The following SORD variants were observed in gnomAD, a reference collection of about 807,000 sequenced individuals.
The protein encoded by SORD is sorbitol dehydrogenase.
A neutral mutation model predicts 35.6 loss-of-function variants in SORD; 18 were observed. The ratio of observed to expected loss-of-function variants is 0.51; its 90% CI spans 0.35 to 0.75. The LOEUF is 0.75. Among genes scored for constraint, SORD ranks in the 30% least tolerant of loss-of-function variants. The pLI is 0.01. For synonymous variants in SORD, 106 were observed against 152.9 expected (o/e 0.69, Z 2.26); for missense variants, 250 against 390.2 (o/e 0.64, Z 3.03).
chr15:45,042,523 T>TAAAG (rs1397626267), intron 2 of SORD: 1 of 145,194 alleles, frequency 6.9e-6, no homozygotes, highest in African/African-American at 2.6e-5. Context: ...AATAAATAAA[T>TAAAG]AAATAAAGGA....
At chr15:45,029,419 A>C (rs1416690475) in intron 1 of SORD, among the ~76,000 whole-genome samples, 2 of 151,920 alleles carry the variant, frequency 1.3e-5, no homozygotes. Context: ...GGGAGGGAGC[A>C]CATGAATGAG....
intron 4 of SORD, among the ~76,000 whole-genome samples, chr15:45,064,860 T>G (rs965055486): frequency 6.6e-6 from 1 of 152,316 alleles, no homozygotes; most frequent in East Asian, 1.9e-4. Flanking sequence ...GATAGCACAT[T>G]AAAGAAAACA....
intron 1 of SORD, among the ~76,000 whole-genome samples, chr15:45,024,299 G>A (rs1206324668): frequency 6.6e-6 from 1 of 152,204 alleles, no homozygotes; most frequent in East Asian, 1.9e-4. Flanking sequence ...CAGTAATTCA[G>A]AAGCTTATCC....
chr15:45,065,284 G>A lies in SORD; in HGVS notation c.439G>A (p.Val147Ile), dbSNP rs1338835191. Residue 147 changes from valine to isoleucine, a missense_variant, in exon 5 of 9, where the codon GTC becomes ATC. Coordinates refer to ENST00000267814, the MANE Select transcript of SORD (RefSeq NM_003104.6). The stretch of plus-strand genomic sequence containing the variant: ...TTGACTCCTCAGGCTTCCTGACAAT[G>A]TCACCTTTGAGGAAGGCGCCCTGAT... ...AAFCYKLPDNVTFEEGALIEP... is the reference protein window; with the variant it reads ...AAFCYKLPDNITFEEGALIEP... 1.2e-6 allele frequency: 2 copies of A among 1,613,728 alleles called. No individual in the cohort carries two copies. Among genetic ancestry groups the A allele is most frequent in the Non-Finnish European group, 8.5e-7 (1 of 1,179,800 alleles).
intron 1 of SORD, among the ~76,000 whole-genome samples, chr15:45,025,624 CA>C (rs34029087): frequency 0.067 from 4,604 of 68,230 alleles, 133 homozygotes; most frequent in African/African-American, 0.15. Context: ...AAAACTATGT[CA>C]AAAAAAAAAA....
chr15:45,029,903 C>G (rs1892746492), intron 1 of SORD, among the ~76,000 whole-genome samples: 1 of 152,232 alleles, frequency 6.6e-6, no homozygotes, highest in African/African-American at 2.4e-5. Flanking sequence ...AGTCTGGGAT[C>G]TTTATAGGCA....
In SORD at chr15:45,038,102, G is replaced by A. The variant is rs1384771326; in HGVS notation, c.67-2306G>A. Among the ~76,000 whole-genome samples, 7 of 151,926 alleles carry A rather than the reference G, an allele frequency of 4.6e-5. No homozygotes were observed. In the East Asian group the frequency reaches 1.4e-3, roughly 30 times the overall value. On this transcript the variant is annotated intron_variant, in intron 1 of 8. Coordinates refer to ENST00000267814, the MANE Select transcript of SORD (RefSeq NM_003104.6). ...ATCTTGAGGTGGCTATTTCTAGACT[G>A]ATTACTTCCTTCCCTCGCATCCTCC...
At chr15:45,041,248 G>A (rs4100657) in intron 2 of SORD, among the ~76,000 whole-genome samples, 4,731 of 152,040 alleles carry the variant, frequency 0.031, 200 homozygotes, top group African/African-American at 0.092. Context: ...CTGTTGGCTC[G>A]GGCAGATCCC....
At chr15:45,036,277 T>G (rs1892864386) in intron 1 of SORD, 1 of 454,562 alleles carries the variant, frequency 2.2e-6, no homozygotes, top group East Asian at 7.0e-5. Flanking sequence ...AAGAGAGGAG[T>G]ATATATGTGA....
intron 2 of SORD, 29 bp downstream of exon 2, chr15:45,040,470 T>G: frequency 6.5e-7 from 1 of 1,539,856 alleles, no homozygotes; most frequent in South Asian, 1.1e-5. Context: ...TGACTTATAT[T>G]TTATTATTTC....
intron 6 of SORD, among the ~76,000 whole-genome samples, chr15:45,068,539 T>C (rs1893448340): frequency 6.6e-6 from 1 of 151,766 alleles, no homozygotes; most frequent in Admixed American, 6.6e-5. Flanking sequence ...TTGGCTTCCT[T>C]GGGCCACATT....
chr15:45,057,761 C>CT (rs1595504836), intron 3 of SORD, among the ~76,000 whole-genome samples: 3 of 151,856 alleles, frequency 2.0e-5, no homozygotes, highest in East Asian at 3.9e-4. Flanking sequence ...CCAGCCTGGG[C>CT]AACAGAGTGA....
intron 1 of SORD, among the ~76,000 whole-genome samples, chr15:45,029,297 G>A (rs1892730091): frequency 6.6e-6 from 1 of 152,274 alleles, no homozygotes; most frequent in African/African-American, 2.4e-5. Flanking sequence ...CTTTGTCTGT[G>A]AAAGACCATG....
intron 3 of SORD, among the ~76,000 whole-genome samples, chr15:45,055,049 C>A (rs1021490408): frequency 6.6e-6 from 1 of 151,950 alleles, no homozygotes; most frequent in Non-Finnish European, 1.5e-5. Context: ...GTTACTGTAG[C>A]CTTGTAGTAT....
Position 45,046,729 on chromosome 15 carries a change from A to G in SORD, c.265+3308A>G, listed in dbSNP as rs1472215312. ...ATGCGCATTTACAGAATTTAAACAT[A>G]TAAGTCAGCCGGGCATAATAGCTCA... On this transcript the variant is annotated intron_variant, in intron 3 of 8. Coordinates refer to ENST00000267814, the MANE Select transcript of SORD (RefSeq NM_003104.6). Among the ~76,000 whole-genome samples, 5 of 152,206 alleles carry G rather than the reference A, an allele frequency of 3.3e-5. No individual in the cohort carries two copies. The East Asian group carries it at 7.7e-4, about 23-fold the overall frequency.
chr15:45,065,423 T>C (rs1271348847), intron 5 of SORD, 34 bp downstream of exon 5: 1 of 1,570,806 alleles, frequency 6.4e-7, no homozygotes, highest in African/African-American at 1.4e-5. Context: ...TGCGGGTTCA[T>C]TGACTGGGAA....
At position 45,061,197 on chromosome 15, in the gene SORD, C is replaced by T. The variant is rs1220563827; in HGVS notation, c.396C>T (p.Phe132=). The part of the protein sequence containing the change: ...TPPDDGNLCR[F]YKHNAAFCYK... ...CCGATGACGGGAACCTCTGCCGGTT[C>T]TATAAGCACAATGCAGCCTTTTGTT... Residue 132 remains phenylalanine, a synonymous_variant, in exon 4 of 9, where the codon TTC becomes TTT. Transcript: ENST00000267814. 3 of 1,614,108 alleles carry T rather than the reference C, an allele frequency of 1.9e-6. No individual in the cohort carries two copies. The African/African-American group carries it at 4.0e-5, about 22-fold the overall frequency.
At chr15:45,040,535 C>T in intron 2 of SORD, 94 bp downstream of exon 2, 2 of 953,762 alleles carry the variant, frequency 2.1e-6, no homozygotes, top group South Asian at 1.4e-5. Context: ...TCTTTTCCAA[C>T]TGTTTATTAC....
intron 3 of SORD, among the ~76,000 whole-genome samples, chr15:45,049,080 A>G (rs892624888): frequency 6.6e-6 from 1 of 152,178 alleles, no homozygotes; most frequent in Non-Finnish European, 1.5e-5. Flanking sequence ...TTTTCCTGGG[A>G]GCCCACTGAT....
Sources: gnomAD v4.1 joint callset for allele counts (sites outside exome capture counted in the v4.1 genomes callset) on GRCh38, gnomAD v4.1.1 for gene constraint, MANE v1.5 for transcripts, NCBI Gene and HGNC (gene_info 2026-07-23, HGNC 2026-07-21) for gene names.